The following RNLS variants were observed in gnomAD, a reference collection of about 807,000 sequenced individuals.
RNLS encodes renalase, FAD dependent amine oxidase.
Under a neutral mutation model 39.8 loss-of-function variants are expected in RNLS, and 39 were observed. That is an observed-to-expected ratio of 0.98 (90% CI 0.76 to 1.28). RNLS has a LOEUF of 1.28. RNLS is among the 50% of genes most tolerant of loss of function. The probability of loss-of-function intolerance (pLI) is 0.00; values close to 1 mark genes in which losing one functional copy is unlikely to be tolerated. For synonymous variants in RNLS, 147 were observed against 150.7 expected (o/e 0.98, Z 0.18); for missense variants, 410 against 413.3 (o/e 0.99, Z 0.07).
chr10:88,359,324 A>T (rs1418015308), intron 5 of RNLS, among the ~76,000 whole-genome samples: 1 of 152,066 alleles, frequency 6.6e-6, no homozygotes, highest in Non-Finnish European at 1.5e-5. Context: ...AAAAAAAAAA[A>T]ACAAAAAAAC....
intron 4 of RNLS, among the ~76,000 whole-genome samples, chr10:88,368,518 A>G (rs1850292876): frequency 7.7e-6 from 1 of 129,216 alleles, no homozygotes; most frequent in South Asian, 2.6e-4. Context: ...TCTGATAAGT[A>G]ACATTTTGAT....
At chr10:88,324,427 C>CAAAAA (rs57362184) in intron 5 of RNLS, among the ~76,000 whole-genome samples, 1 of 78,642 alleles carries the variant, frequency 1.3e-5, no homozygotes, top group Non-Finnish European at 2.8e-5. Flanking sequence ...GTGTCCTTTG[C>CAAAAA]AAAAAAAAAA....
chr10:88,203,456 GTATATATATATA>G, the RNLS span, among the ~76,000 whole-genome samples: 3 of 1,210 alleles, frequency 2.5e-3, 1 homozygote, highest in African/African-American at 0.014. Context: ...GTGTGTGTGT[GTATATATATATA>G]TATATATATA....
chr10:88,265,912 C>T, the RNLS span, among the ~76,000 whole-genome samples: 3 of 152,156 alleles, frequency 2.0e-5, no homozygotes, highest in African/African-American at 7.2e-5. Flanking sequence ...TCATTCATCC[C>T]TTTAGGAATA....
intron 4 of RNLS, among the ~76,000 whole-genome samples, chr10:88,564,812 G>A (rs1682315521): frequency 6.6e-6 from 1 of 152,174 alleles, no homozygotes; most frequent in South Asian, 2.1e-4. Flanking sequence ...CTGGGAGGAA[G>A]TTTAATAAAT....
At chr10:88,333,247 T>C (rs1167268256) in intron 5 of RNLS, among the ~76,000 whole-genome samples, 1 of 152,244 alleles carries the variant, frequency 6.6e-6, no homozygotes, top group Non-Finnish European at 1.5e-5. Flanking sequence ...AATGGAAAGA[T>C]ATTATTAAAT....
chr10:88,548,336 A>G (rs2134321814), intron 4 of RNLS, among the ~76,000 whole-genome samples: 1 of 148,210 alleles, frequency 6.7e-6, no homozygotes, highest in South Asian at 2.1e-4. Flanking sequence ...CAAGTGACTT[A>G]TAAACTGTCA....
chr10:88,438,201 AC>A (rs1182462235), intron 4 of RNLS, among the ~76,000 whole-genome samples: 1 of 151,768 alleles, frequency 6.6e-6, no homozygotes, highest in African/African-American at 2.4e-5. Flanking sequence ...TGGATGTGAT[AC>A]CTGAAACTGC....
intron 4 of RNLS, among the ~76,000 whole-genome samples, chr10:88,538,179 C>T (rs1847864706): frequency 6.6e-6 from 1 of 152,122 alleles, no homozygotes; most frequent in Non-Finnish European, 1.5e-5. Flanking sequence ...CGAATGAAAG[C>T]AATCTTTCTT....
chr10:88,408,154 T>A lies in RNLS; in HGVS notation c.527-45429A>T, dbSNP rs542654699. 6.6e-5 allele frequency among the ~76,000 whole-genome samples: 10 copies of A among 152,266 alleles called. No homozygotes were observed. In the East Asian group the frequency reaches 1.9e-3, roughly 29 times the overall value. Reference sequence around the variant, plus strand: ...TCTGGAAATTGTCCAAAATATAGTTTAAAAACATAATCATGGCGGCTTTAT... The same window carrying A: ...TCTGGAAATTGTCCAAAATATAGTTAAAAAACATAATCATGGCGGCTTTAT... On this transcript the variant is annotated intron_variant, in intron 4 of 6. Transcript: ENST00000331772.
chr10:88,454,674 G>C (rs1842533584), intron 4 of RNLS, among the ~76,000 whole-genome samples: 1 of 152,154 alleles, frequency 6.6e-6, no homozygotes. Flanking sequence ...AGTCACTCAG[G>C]GGAAACATAT....
At chr10:88,344,886 T>A (rs1234513577) in intron 5 of RNLS, among the ~76,000 whole-genome samples, 1 of 152,184 alleles carries the variant, frequency 6.6e-6, no homozygotes, top group African/African-American at 2.4e-5. Flanking sequence ...GAGATTCTTT[T>A]CTGATTCCAG....
At chr10:88,302,371 T>G (rs1325967976) in intron 6 of RNLS, among the ~76,000 whole-genome samples, 1 of 152,236 alleles carries the variant, frequency 6.6e-6, no homozygotes, top group Non-Finnish European at 1.5e-5. Flanking sequence ...AATTGATTGT[T>G]GTCTTTCAAA....
intron 6 of RNLS, among the ~76,000 whole-genome samples, chr10:88,301,152 T>C (rs1462509937): frequency 6.6e-6 from 1 of 152,214 alleles, no homozygotes; most frequent in African/African-American, 2.4e-5. Flanking sequence ...AAAAAATGAC[T>C]TCATTAAATT....
intron 6 of RNLS, among the ~76,000 whole-genome samples, chr10:88,292,354 C>T (rs1843729756): frequency 6.6e-6 from 1 of 151,630 alleles, no homozygotes; most frequent in South Asian, 2.1e-4. Flanking sequence ...AGAAAACCAG[C>T]AATTCTTTAA....
intron 6 of RNLS, chr10:88,275,045 G>C: frequency 6.2e-7 from 1 of 1,608,764 alleles, no homozygotes; most frequent in African/African-American, 1.3e-5. Flanking sequence ...GAAAATCAAA[G>C]GAATATCCTT....
intron 4 of RNLS, among the ~76,000 whole-genome samples, chr10:88,492,488 G>C (rs1204243794): frequency 6.8e-6 from 1 of 147,482 alleles, no homozygotes; most frequent in Admixed American, 6.9e-5. Context: ...GCGTGATCTA[G>C]GCTCACTGCA....
intron 4 of RNLS, among the ~76,000 whole-genome samples, chr10:88,512,320 TCTCTGTG>T (rs1846169324): frequency 6.6e-6 from 1 of 152,190 alleles, no homozygotes; most frequent in Non-Finnish European, 1.5e-5. Flanking sequence ...AAGTAAATTA[TCTCTGTG>T]TAGTTCTATT....
At chr10:88,217,248 G>C in the RNLS span, among the ~76,000 whole-genome samples, 23,043 of 152,162 alleles carry the variant, frequency 0.15, 1,838 homozygotes, top group Admixed American at 0.18. Flanking sequence ...AAGCAGCAAA[G>C]TTCGTCAAAC....
Sources: gnomAD v4.1 joint callset for allele counts (sites outside exome capture counted in the v4.1 genomes callset) on GRCh38, gnomAD v4.1.1 for gene constraint, MANE v1.5 for transcripts, NCBI Gene and HGNC (gene_info 2026-07-23, HGNC 2026-07-21) for gene names.